Variants in LCOR observed in about 807,000 individuals in gnomAD.
The protein encoded by LCOR is ligand dependent nuclear receptor corepressor, also known as ligand-dependent corepressor.
A neutral mutation model predicts 64.4 loss-of-function variants in LCOR; 14 were observed. The ratio of observed to expected loss-of-function variants is 0.22; its 90% CI spans 0.14 to 0.34. The LOEUF (loss-of-function observed/expected upper bound fraction) is 0.34. Among genes scored for constraint, LCOR ranks in the 10% least tolerant of loss-of-function variants. The pLI, the probability that LCOR is intolerant of heterozygous loss-of-function variation, is 1.00. For missense variants in LCOR, 1,686 were observed against 1,765.3 expected, an observed-to-expected ratio of 0.96 and a Z score of 0.80; for synonymous variants, 643 against 642.5, an observed-to-expected ratio of 1.00 and a Z score of -0.01.
At chr10:96,849,214 AC>A (rs1845685777) in intron 2 of LCOR, among the ~76,000 whole-genome samples, 1 of 151,536 alleles carries the variant, frequency 6.6e-6, no homozygotes. Context: ...GCTGGGACTT[AC>A]AGGTGTGCAC....
chr10:96,984,638 C>G lies in LCOR; in HGVS notation c.4178C>G (p.Ala1393Gly). The change falls in exon 8 of 8, where the codon GCA becomes GGA. Residue 1393 changes from alanine (A) to glycine (G), a missense_variant. By Grantham distance (60) the Ala-to-Gly change is moderately conservative. Around this residue, in one of 3 missense-constraint regions of LCOR, gnomAD observed 1,293 missense variants for 1,410.4 expected, o/e 0.92. Coordinates refer to ENST00000421806, the MANE Select transcript of LCOR (RefSeq NM_001346516.2). ...CAGGTGTCTGAAATCTTGCCTAAAG[C>G]AGAAGTTCAGAGTAAACGCAAGAGA... The part of the protein sequence containing the change: ...GKQVSEILPK[A>G]EVQSKRKRTE... The G allele has an allele frequency of 6.2e-7, 1 of 1,614,164 alleles. No homozygotes were observed. Among genetic ancestry groups the G allele is most frequent in the African/African-American group, 1.3e-5 (1 of 75,044 alleles).
At chr10:96,968,588 G>T (rs975237788) in intron 7 of LCOR, among the ~76,000 whole-genome samples, 2 of 152,176 alleles carry the variant, frequency 1.3e-5, no homozygotes, top group African/African-American at 2.4e-5. Context: ...TTGAAGAATA[G>T]GTAGGGCATG....
At chr10:96,888,330 C>T (rs12772905) in intron 2 of LCOR, among the ~76,000 whole-genome samples, 26 of 114,828 alleles carry the variant, frequency 2.3e-4, no homozygotes, top group Admixed American at 1.8e-3. Flanking sequence ...TGCCACTGCA[C>T]TCTAGCCTGG....
intron 2 of LCOR, among the ~76,000 whole-genome samples, chr10:96,853,252 C>T (rs1389595703): frequency 2.0e-5 from 3 of 152,010 alleles, no homozygotes; most frequent in East Asian, 1.9e-4. Flanking sequence ...GATTTTGCCA[C>T]GTTGGCCAGG....
chr10:96,964,823 G>A (rs1457977588), intron 7 of LCOR, among the ~76,000 whole-genome samples: 1 of 152,010 alleles, frequency 6.6e-6, no homozygotes, highest in African/African-American at 2.4e-5. Context: ...AAAACTTAAT[G>A]CCGGGATTCC....
intron 4 of LCOR, among the ~76,000 whole-genome samples, chr10:96,911,184 A>G (rs1190435144): frequency 2.9e-5 from 4 of 139,168 alleles, no homozygotes; most frequent in Non-Finnish European, 4.5e-5. Flanking sequence ...TGCAGCCTCT[A>G]CCTCCTGGGT....
At chr10:96,876,427 A>G (rs1011955806) in intron 2 of LCOR, among the ~76,000 whole-genome samples, 27 of 152,222 alleles carry the variant, frequency 1.8e-4, no homozygotes, top group African/African-American at 6.0e-4. Context: ...ATACATTCAA[A>G]CTATAGCACA....
In LCOR at chr10:96,932,334, TC is replaced by T. The variant is rs1216276294; in HGVS notation, c.-183-11777del. On this transcript the variant is annotated intron_variant, in intron 4 of 7. Coordinates refer to ENST00000421806, the MANE Select transcript of LCOR (RefSeq NM_001346516.2). Reference sequence around the variant, plus strand: ...ATTATTGGTTAATCATTATATTGCTTCCAGTAAACTCATAGGAAAGGAAAAA... The same window carrying T: ...ATTATTGGTTAATCATTATATTGCTTCAGTAAACTCATAGGAAAGGAAAAA... 1.4e-4 allele frequency among the ~76,000 whole-genome samples: 22 copies of T among 152,256 alleles called. 1 individual carries two copies. The South Asian group carries it at 4.4e-3, about 30-fold the overall frequency.
intron 2 of LCOR, among the ~76,000 whole-genome samples, chr10:96,834,801 A>G (rs2134355590): frequency 6.6e-6 from 1 of 152,252 alleles, no homozygotes; most frequent in Admixed American, 6.5e-5. Flanking sequence ...CTTTGCATTT[A>G]ATCCTGGGCT....
At chr10:96,863,380 T>C (rs554861558) in intron 2 of LCOR, among the ~76,000 whole-genome samples, 1 of 151,516 alleles carries the variant, frequency 6.6e-6, no homozygotes, top group East Asian at 1.9e-4. Context: ...ATTTTTGTAG[T>C]TTTAGTAGAG....
intron 7 of LCOR, chr10:96,955,418 G>A (rs761587325): frequency 1.9e-6 from 3 of 1,614,058 alleles, no homozygotes; most frequent in Admixed American, 3.3e-5. Flanking sequence ...TTTCTTGGGA[G>A]TCTCGCACTG....
chr10:96,949,784 A>G (rs1287072335), intron 6 of LCOR, among the ~76,000 whole-genome samples: 4 of 152,236 alleles, frequency 2.6e-5, no homozygotes, highest in African/African-American at 9.6e-5. Flanking sequence ...CAAATAGAGA[A>G]AGCAGCAGAA....
chr10:96,856,883 G>A (rs1223001566), intron 2 of LCOR, among the ~76,000 whole-genome samples: 11 of 151,920 alleles, frequency 7.2e-5, no homozygotes, highest in Admixed American at 7.2e-4. Flanking sequence ...AAATTATCTG[G>A]CCTTATGGAA....
At position 96,982,417 on chromosome 10, in the gene LCOR, C is replaced by A. The variant is rs201494751; in HGVS notation, c.1957C>A (p.Pro653Thr). Reference protein sequence around the residue: ...GMSSPEHNQPPVALLDTEEMS... With the variant: ...GMSSPEHNQPTVALLDTEEMS... The stretch of plus-strand genomic sequence containing the variant: ...GTCTTCTCCTGAACACAACCAACCA[C>A]CAGTTGCACTGTTGGATACGGAGGA... Residue 653 changes from proline to threonine, a missense_variant, in exon 8 of 8, where the codon CCA becomes ACA. Coordinates refer to ENST00000421806, the MANE Select transcript of LCOR (RefSeq NM_001346516.2). The A allele has an allele frequency of 6.3e-5, 102 of 1,614,208 alleles. No homozygotes were observed. The highest frequency in any genetic ancestry group is 7.0e-5 in the Non-Finnish European group (83 of 1,180,028).
intron 7 of LCOR, chr10:96,959,358 A>G (rs1039741554): frequency 2.0e-4 from 30 of 152,198 alleles, no homozygotes; most frequent in Non-Finnish European, 8.8e-5. Context: ...CAGTAGGCAG[A>G]TAACATTACT....
At chr10:96,888,965 C>T (rs1846392475) in intron 2 of LCOR, among the ~76,000 whole-genome samples, 1 of 152,132 alleles carries the variant, frequency 6.6e-6, no homozygotes, top group Non-Finnish European at 1.5e-5. Flanking sequence ...TGAGAGTAAT[C>T]CAAGTTGTAT....
At chr10:96,894,146 C>T (rs749738557) in intron 2 of LCOR, among the ~76,000 whole-genome samples, 7 of 152,050 alleles carry the variant, frequency 4.6e-5, no homozygotes, top group East Asian at 1.9e-4. Flanking sequence ...GGCTGGAGTG[C>T]GGTGGCATGA....
At chr10:96,913,202 T>TGTATGTACTCTTGGTACTAGA (rs1215059647) in intron 4 of LCOR, among the ~76,000 whole-genome samples, 2 of 152,196 alleles carry the variant, frequency 1.3e-5, no homozygotes, top group African/African-American at 4.8e-5. Flanking sequence ...CGGTACTAGG[T>TGTATGTACTCTTGGTACTAGA]GTATGTACTC....
Position 96,984,803 on chromosome 10 carries a change from A to G in LCOR, c.4343A>G (p.Lys1448Arg), listed in dbSNP as rs889278619. The part of the protein sequence containing the change: ...AARDRSSQPP[K>R]KTSLKENKVK... Reference sequence around the variant, plus strand: ...AGGGACAGAAGCAGCCAACCCCCCAAAAAGACGTCTTTGAAAGAGAATAAA... The same window carrying G: ...AGGGACAGAAGCAGCCAACCCCCCAGAAAGACGTCTTTGAAAGAGAATAAA... Residue 1448 changes from lysine (K) to arginine (R), a missense_variant, in exon 8 of 8, where the codon AAA becomes AGA. Around this residue, in one of 3 missense-constraint regions of LCOR, gnomAD observed 1,293 missense variants for 1,410.4 expected, o/e 0.92. Coordinates refer to ENST00000421806, the MANE Select transcript of LCOR (RefSeq NM_001346516.2). 2.1e-5 allele frequency: 34 copies of G among 1,614,126 alleles called. No individual in the cohort carries two copies. The highest frequency in any genetic ancestry group is 6.7e-5 in the Admixed American group (4 of 60,020).
Sources: allele counts gnomAD v4.1 joint callset (sites outside exome capture counted in the v4.1 genomes callset), GRCh38; gene constraint gnomAD v4.1.1; regional missense constraint gnomAD v4.1.1; transcripts MANE v1.5; gene names NCBI Gene and HGNC (gene_info 2026-07-23, HGNC 2026-07-21).